Variants in SENP5 observed in about 807,000 individuals in gnomAD.
The protein encoded by SENP5 is sentrin-specific protease 5.
Under a neutral mutation model 74.2 loss-of-function variants are expected in SENP5, and 21 were observed. That is an observed-to-expected ratio of 0.28 (90% CI 0.20 to 0.41). The LOEUF (loss-of-function observed/expected upper bound fraction) is 0.41, where lower values mean the gene tolerates loss of function less well. SENP5 is among the 10% of genes least tolerant of loss of function. The pLI, the probability that SENP5 is intolerant of heterozygous loss-of-function variation, is 1.00. For synonymous variants in SENP5, 311 were observed against 312.7 expected (o/e 0.99, Z 0.06); for missense variants, 717 against 889.1 (o/e 0.81, Z 2.46).
intron 6 of SENP5, among the ~76,000 whole-genome samples, chr3:196,921,751 A>G (rs141294969): frequency 3.9e-5 from 6 of 152,354 alleles, no homozygotes; most frequent in Admixed American, 3.9e-4. Context: ...TTTTGCTCCA[A>G]GGTCATGAAG....
intron 2 of SENP5, among the ~76,000 whole-genome samples, chr3:196,898,836 C>A (rs1714568014): frequency 6.6e-6 from 1 of 152,154 alleles, no homozygotes; most frequent in East Asian, 1.9e-4. Context: ...GCATTCAATT[C>A]ATTCGATGAC....
chr3:196,895,277 C>T lies in SENP5; in HGVS notation c.1514-4389C>T, dbSNP rs76036839. On this transcript the variant is annotated intron_variant, in intron 2 of 9. Transcript: ENST00000323460. ...CATAATCTCAGCTCGCTGCAAGCTC[C>T]GCCTCCCATGTTCACGCCATTCTCC... Among the ~76,000 whole-genome samples the T allele has an allele frequency of 1.2e-3, 182 of 151,472 alleles. 6 individuals are homozygous for T. In the East Asian group the frequency reaches 0.029, roughly 24 times the overall value.
chr3:196,885,174 T>G lies in SENP5; in HGVS notation c.-8T>G, dbSNP rs1333943426. 6.2e-7 allele frequency: 1 copy of G among 1,603,976 alleles called. No homozygotes were observed. On this transcript the variant is annotated 5_prime_UTR_variant, in exon 2 of 10. Coordinates refer to ENST00000323460, the MANE Select transcript of SENP5 (RefSeq NM_152699.5). Reference sequence around the variant, plus strand: ...AGCTGCATCCAGATCTCATTATGCATCAGAAAAATGAAAAAACAGAGGAAA... The same window carrying G: ...AGCTGCATCCAGATCTCATTATGCAGCAGAAAAATGAAAAAACAGAGGAAA...
chr3:196,901,830 A>G (rs1216506168), intron 5 of SENP5, among the ~76,000 whole-genome samples: 7 of 152,252 alleles, frequency 4.6e-5, no homozygotes, highest in African/African-American at 1.7e-4. Flanking sequence ...ACCATTGTAC[A>G]TTTAATTCTA....
Position 196,931,897 on chromosome 3 carries a change from C to G in SENP5, c.*974C>G, listed in dbSNP as rs1716051449. The G allele has an allele frequency of 2.2e-6, 1 of 453,842 alleles. No homozygotes were observed. Among genetic ancestry groups the G allele is most frequent in the South Asian group, 1.6e-5 (1 of 64,066 alleles). The allele number at this position is 453,842 out of a possible 1,614,324, so 28.1% of individuals were successfully genotyped here. On this transcript the variant is annotated 3_prime_UTR_variant, in exon 10 of 10. Coordinates refer to ENST00000323460, the MANE Select transcript of SENP5 (RefSeq NM_152699.5). The stretch of plus-strand genomic sequence containing the variant: ...ACATTCAAAACTGAAGGCTGACTGA[C>G]TTGAGATGTTTTGCAGGTGGCTGGA...
chr3:196,919,283 C>G (rs1265527740), intron 6 of SENP5, among the ~76,000 whole-genome samples: 2 of 152,200 alleles, frequency 1.3e-5, no homozygotes, highest in Non-Finnish European at 2.9e-5. Flanking sequence ...GAGTTCAAGA[C>G]TGGCCTGGCC....
At chr3:196,924,506 T>C (rs1321653914) in intron 7 of SENP5, among the ~76,000 whole-genome samples, 1 of 152,200 alleles carries the variant, frequency 6.6e-6, no homozygotes, top group Non-Finnish European at 1.5e-5. Flanking sequence ...CCAGAAATTA[T>C]AGAAATGCAA....
At chr3:196,905,389 A>G (rs1714861577) in intron 6 of SENP5, among the ~76,000 whole-genome samples, 1 of 152,184 alleles carries the variant, frequency 6.6e-6, no homozygotes, top group Non-Finnish European at 1.5e-5. Context: ...AGACAGTGCC[A>G]CGTCCCATAG....
chr3:196,891,204 CAT>C (rs757202049), intron 2 of SENP5, among the ~76,000 whole-genome samples: 1 of 152,154 alleles, frequency 6.6e-6, no homozygotes, highest in African/African-American at 2.4e-5. Flanking sequence ...GGCCTTATAA[CAT>C]ATGATTTCGT....
intron 2 of SENP5, among the ~76,000 whole-genome samples, chr3:196,894,426 T>C (rs1714354250): frequency 6.6e-6 from 1 of 152,052 alleles, no homozygotes; most frequent in Non-Finnish European, 1.5e-5. Flanking sequence ...CCCGGCCTAA[T>C]GTGTTATTTT....
chr3:196,875,526 C>T (rs1713420061), intron 1 of SENP5, among the ~76,000 whole-genome samples: 3 of 152,152 alleles, frequency 2.0e-5, no homozygotes, highest in African/African-American at 7.2e-5. Context: ...TCTACCCCTT[C>T]CGTGCCTCTA....
At chr3:196,879,305 C>A (rs1713620638) in intron 1 of SENP5, among the ~76,000 whole-genome samples, 1 of 152,164 alleles carries the variant, frequency 6.6e-6, no homozygotes. Context: ...ATAGTTAAGC[C>A]ATGTAGTATA....
intron 1 of SENP5, among the ~76,000 whole-genome samples, chr3:196,871,996 C>T (rs1043088563): frequency 3.3e-5 from 5 of 152,110 alleles, no homozygotes; most frequent in African/African-American, 9.7e-5. Context: ...GCAGTCTGCC[C>T]GCCTTGGCCT....
chr3:196,869,619 G>A (rs990873617), intron 1 of SENP5, among the ~76,000 whole-genome samples: 7 of 151,682 alleles, frequency 4.6e-5, no homozygotes, highest in African/African-American at 1.7e-4. Flanking sequence ...AATTAGCCAG[G>A]CGTGGTGGCG....
At position 196,886,085 on chromosome 3, in the gene SENP5, C is replaced by G. The variant is rs200610862; in HGVS notation, c.904C>G (p.Arg302Gly). ...PSPEPKDPSC[R>G]HQPYFPDMDS... is the part of the protein sequence containing the mutation. ...CCCAGAACCTAAAGACCCTTCTTGTCGGCATCAGCCGTACTTTCCAGATAT... is the reference window on the plus strand; with the variant it reads ...CCCAGAACCTAAAGACCCTTCTTGTGGGCATCAGCCGTACTTTCCAGATAT... The change falls in exon 2 of 10, where the codon CGG (arginine) becomes GGG (glycine). Residue 302 changes from arginine (R) to glycine (G), a missense_variant. By Grantham distance (125) the Arg-to-Gly change is moderately radical. This residue lies in a region of SENP5 where 567 missense variants were observed against 577.4 expected (regional missense o/e 0.98). Transcript: ENST00000323460. The G allele has an allele frequency of 1.6e-5, 26 of 1,614,184 alleles. No homozygotes were observed. The East Asian group carries it at 5.8e-4, about 36-fold the overall frequency.
Position 196,927,897 on chromosome 3 carries a change from A to G in SENP5, c.2106+18A>G, listed in dbSNP as rs201674195. 77 of 1,522,212 alleles carry G rather than the reference A, an allele frequency of 5.1e-5. No individual in the cohort carries two copies. Among genetic ancestry groups the G allele is most frequent in the Admixed American group, 1.8e-4 (11 of 59,692 alleles). 94.3% of individuals were successfully genotyped at this position (1,522,212 alleles called of 1,614,324 possible). On this transcript the variant is annotated intron_variant, in intron 8 of 9. Transcript: ENST00000323460. The stretch of plus-strand genomic sequence containing the variant: ...TTACGAAGGTAAGTATGTGATAACA[A>G]TGAAACCCAGGCATGTCCAGGGGAT...
intron 6 of SENP5, chr3:196,904,816 TGAA>T (rs1331999958): frequency 6.6e-6 from 1 of 151,986 alleles, no homozygotes; most frequent in Non-Finnish European, 1.5e-5. Flanking sequence ...AAAATAAAAA[TGAA>T]GACATTAGAG....
intron 9 of SENP5, 98 bp from the exon 10 acceptor site, chr3:196,930,714 TG>T: frequency 2.6e-6 from 2 of 774,018 alleles, no homozygotes; most frequent in Non-Finnish European, 4.5e-6. Flanking sequence ...TGGGGTCTTC[TG>T]CCTTAGACAC....
At chr3:196,874,828 G>C (rs991732922) in intron 1 of SENP5, among the ~76,000 whole-genome samples, 2 of 151,920 alleles carry the variant, frequency 1.3e-5, no homozygotes, top group African/African-American at 4.8e-5. Flanking sequence ...GCAGTGAGCT[G>C]AGATCGTGCC....
Sources: gnomAD v4.1 joint callset for allele counts (sites outside exome capture counted in the v4.1 genomes callset) on GRCh38, gnomAD v4.1.1 for gene constraint, gnomAD v4.1.1 regional missense constraint, MANE v1.5 for transcripts, NCBI Gene and HGNC (gene_info 2026-07-23, HGNC 2026-07-21) for gene names.